CASD1: variants seen among roughly 807,000 people sequenced by gnomAD.
The protein encoded by CASD1 is CAS1 domain sialic acid O acetyltransferase 1.
A neutral mutation model predicts 100.0 loss-of-function variants in CASD1; 41 were observed. The ratio of observed to expected loss-of-function variants is 0.41; its 90% CI spans 0.32 to 0.53. The LOEUF (loss-of-function observed/expected upper bound fraction) is 0.53. CASD1 is among the 20% of genes least tolerant of loss of function. The probability of loss-of-function intolerance (pLI) is 0.25; values close to 1 mark genes in which losing one functional copy is unlikely to be tolerated. For missense variants in CASD1, 774 were observed against 948.7 expected, an observed-to-expected ratio of 0.82 and a Z score of 2.42; for synonymous variants, 321 against 315.6, an observed-to-expected ratio of 1.02 and a Z score of -0.18.
the CASD1 span, chr7:94,618,637 C>T: frequency 2.6e-6 from 2 of 778,838 alleles, no homozygotes; most frequent in African/African-American, 1.8e-5. Context: ...CATATCTTTA[C>T]AATATCTATT....
At chr7:94,553,528 TC>T (rs1796050785) in intron 16 of CASD1, among the ~76,000 whole-genome samples, 1 of 152,180 alleles carries the variant, frequency 6.6e-6, no homozygotes, top group African/African-American at 2.4e-5. Context: ...CCCAGGTTGA[TC>T]AACATTGAAT....
the CASD1 span, among the ~76,000 whole-genome samples, chr7:94,571,482 C>T: frequency 6.6e-6 from 1 of 152,104 alleles, no homozygotes; most frequent in African/African-American, 2.4e-5. Flanking sequence ...CTGCCTTGAA[C>T]TTATTTTTAG....
downstream of CASD1, among the ~76,000 whole-genome samples, chr7:94,559,567 C>G (rs962813295): frequency 6.6e-6 from 1 of 152,000 alleles, no homozygotes; most frequent in Non-Finnish European, 1.5e-5. Context: ...GCTCTCTTGC[C>G]CAGGCTGGAG....
chr7:94,632,365 T>C, the CASD1 span, among the ~76,000 whole-genome samples: 1 of 152,030 alleles, frequency 6.6e-6, no homozygotes, highest in Non-Finnish European at 1.5e-5. Context: ...ATAAAAAACA[T>C]TTCTGCGTTC....
chr7:94,614,624 T>C, the CASD1 span, among the ~76,000 whole-genome samples: 13 of 152,178 alleles, frequency 8.5e-5, no homozygotes, highest in African/African-American at 2.9e-4. Context: ...AATTTGTACT[T>C]ATATTTTCAA....
the CASD1 span, among the ~76,000 whole-genome samples, chr7:94,632,503 T>G: frequency 1.3e-5 from 2 of 152,124 alleles, no homozygotes; most frequent in African/African-American, 4.8e-5. Context: ...GTCAGTTACC[T>G]TGGCAACTCC....
chr7:94,608,779 T>C, the CASD1 span, among the ~76,000 whole-genome samples: 1 of 152,184 alleles, frequency 6.6e-6, no homozygotes, highest in Non-Finnish European at 1.5e-5. Context: ...ATAAATCTAT[T>C]CAACTAATCT....
At chr7:94,548,606 C>T (rs941311625) in intron 13 of CASD1, among the ~76,000 whole-genome samples, 12 of 151,614 alleles carry the variant, frequency 7.9e-5, no homozygotes, top group South Asian at 4.2e-4. Context: ...GAGACGGTTG[C>T]GTTTTATTAA....
At chr7:94,575,551 A>G in the CASD1 span, among the ~76,000 whole-genome samples, 2 of 152,188 alleles carry the variant, frequency 1.3e-5, no homozygotes, top group South Asian at 2.1e-4. Flanking sequence ...GTAGAGGTCC[A>G]TCAGATCCAT....
At chr7:94,588,186 T>G in the CASD1 span, 1 of 1,079,688 alleles carries the variant, frequency 9.3e-7, no homozygotes, top group Non-Finnish European at 1.1e-6. Flanking sequence ...CCAAGGAGAA[T>G]TGTCCGCCAT....
intron 9 of CASD1, 53 bp downstream of exon 9, chr7:94,537,947 C>T: frequency 1.0e-6 from 1 of 988,404 alleles, no homozygotes; most frequent in Non-Finnish European, 1.5e-6. Flanking sequence ...TCATTACATA[C>T]TCTGTGTTAA....
intron 16 of CASD1, among the ~76,000 whole-genome samples, chr7:94,552,737 G>C (rs1796009910): frequency 6.6e-6 from 1 of 152,198 alleles, no homozygotes; most frequent in Non-Finnish European, 1.5e-5. Context: ...AGGAGTTTGA[G>C]ACCAGCCTGG....
At chr7:94,565,603 C>T in the CASD1 span, among the ~76,000 whole-genome samples, 1 of 152,110 alleles carries the variant, frequency 6.6e-6, no homozygotes, top group South Asian at 2.1e-4. Context: ...AGGATGCTTC[C>T]CTCCACCAGG....
chr7:94,605,998 T>A, the CASD1 span, among the ~76,000 whole-genome samples: 2 of 152,014 alleles, frequency 1.3e-5, no homozygotes, highest in Non-Finnish European at 2.9e-5. Flanking sequence ...CCAGCTAATT[T>A]TTGTATTTTC....
Position 94,510,757 on chromosome 7 carries a change from C to T in CASD1, c.133+540C>T, listed in dbSNP as rs771612598. 2.6e-5 allele frequency among the ~76,000 whole-genome samples: 4 copies of T among 152,268 alleles called. 1 individual carries two copies. The highest frequency in any genetic ancestry group is 5.9e-5 in the Non-Finnish European group (4 of 68,048). On this transcript the variant is annotated intron_variant, in intron 1 of 17. Transcript: ENST00000297273. ...CTGTTGGACAGCGGCAAGGGCCGCC[C>T]CCATTTTCCTTTGCCAAAAGGGCGA...
At chr7:94,562,331 A>G in the CASD1 span, among the ~76,000 whole-genome samples, 1,755 of 152,206 alleles carry the variant, frequency 0.012, 34 homozygotes, top group African/African-American at 0.04. Context: ...GCCATCTTAC[A>G]TTCTTTTTTG....
At chr7:94,510,763 T>C (rs1793665664) in intron 1 of CASD1, among the ~76,000 whole-genome samples, 1 of 152,268 alleles carries the variant, frequency 6.6e-6, no homozygotes, top group African/African-American at 2.4e-5. Flanking sequence ...CGCCCCCATT[T>C]TCCTTTGCCA....
the CASD1 span, chr7:94,619,196 G>T: frequency 2.4e-6 from 1 of 417,922 alleles, no homozygotes; most frequent in Non-Finnish European, 4.3e-6. Flanking sequence ...GGCTCATCAG[G>T]GCAATTTATA....
chr7:94,524,442 C>T (rs1794445732), intron 3 of CASD1, among the ~76,000 whole-genome samples: 1 of 151,888 alleles, frequency 6.6e-6, no homozygotes, highest in Non-Finnish European at 1.5e-5. Context: ...TTTTTTTATA[C>T]CTACTATAAT....
Sources: gnomAD v4.1 joint callset for allele counts (sites outside exome capture counted in the v4.1 genomes callset) on GRCh38, gnomAD v4.1.1 for gene constraint, MANE v1.5 for transcripts, NCBI Gene and HGNC (gene_info 2026-07-23, HGNC 2026-07-21) for gene names.